The following GBP4 variants were observed in gnomAD, a reference collection of about 807,000 sequenced individuals.
GBP4 encodes the protein guanylate-binding protein 4.
Under a neutral mutation model 62.2 loss-of-function variants are expected in GBP4, and 69 were observed. The observed-to-expected ratio is 1.11, with a 90% CI of 0.91 to 1.36. The LOEUF is 1.36. GBP4 is among the 40% of genes most tolerant of loss of function. GBP4 has a pLI of 0.00. For synonymous variants in GBP4, 278 were observed against 274.6 expected (o/e 1.01, Z -0.12); for missense variants, 697 against 759.3 (o/e 0.92, Z 0.96).
In GBP4 at chr1:89,198,874, T is replaced by C; in HGVS notation, c.-40A>G. 1.9e-6 allele frequency: 3 copies of C among 1,600,934 alleles called. No individual in the cohort carries two copies. Among genetic ancestry groups the C allele is most frequent in the South Asian group, 2.2e-5 (2 of 90,814 alleles). ...GCGCCTGGATCCTCGAGAAACGGAC[T>C]GTTCTTAGAAGCTGAAAGTCCAGCC... is the stretch of plus-strand genomic sequence containing the variant. On this transcript the variant is annotated 5_prime_UTR_variant, in exon 1 of 11. Coordinates refer to ENST00000355754, the MANE Select transcript of GBP4 (RefSeq NM_052941.5).
At chr1:89,185,548 C>T (rs556911105) in intron 10 of GBP4, 79 bp from the exon 11 acceptor site, 6 of 745,082 alleles carry the variant, frequency 8.1e-6, no homozygotes, top group East Asian at 4.9e-5. Flanking sequence ...ACTAATTCAA[C>T]GTTTAAGCAT....
chr1:89,194,222 G>A (rs1174595286), intron 3 of GBP4, among the ~76,000 whole-genome samples: 1 of 152,186 alleles, frequency 6.6e-6, no homozygotes, highest in Non-Finnish European at 1.5e-5. Context: ...ATGCATGTTG[G>A]TGAAGTGGAA....
chr1:89,190,263 A>G lies in GBP4; in HGVS notation c.972T>C (p.Pro324=), dbSNP rs1648145929. 6.2e-7 allele frequency: 1 copy of G among 1,614,050 alleles called. No individual in the cohort carries two copies. Among genetic ancestry groups the G allele is most frequent in the African/African-American group, 1.3e-5 (1 of 74,922 alleles). Residue 324 remains proline, a synonymous_variant, in exon 7 of 11, where the codon CCT becomes CCC. Transcript: ENST00000355754. ...GTGCTGTCACTGCATTCTCCAGACA[A>G]GGTACTGCTCCACTGTTGATGGCAT... ...YVDAINSGAV[P]CLENAVTALA...
chr1:89,190,664 G>A lies in GBP4; in HGVS notation c.917-346C>T, dbSNP rs570308225. ...AGGGAAAGTAAGTTATATAATTTGT[G>A]AGTCCTACTTCCAAATAAAAATGCA... is the stretch of plus-strand genomic sequence containing the variant. On this transcript the variant is annotated intron_variant, in intron 6 of 10. Coordinates refer to ENST00000355754, the MANE Select transcript of GBP4 (RefSeq NM_052941.5). Among the ~76,000 whole-genome samples the A allele has an allele frequency of 5.5e-4, 83 of 151,960 alleles. 2 individuals are homozygous for A. The highest frequency in any genetic ancestry group is 1.9e-4 in the Non-Finnish European group (13 of 67,962).
At position 89,195,417 on chromosome 1, in the gene GBP4, A is replaced by AG; in HGVS notation, c.242dup (p.Leu82SerfsTer8). On this transcript the variant is annotated frameshift_variant, in exon 3 of 11. Coordinates refer to ENST00000355754, the MANE Select transcript of GBP4 (RefSeq NM_052941.5). LOFTEE classifies it high-confidence loss of function. ...TTTCAGACTGCACCGTGGAGCCCAG[A>AG]GGGAAGCCTGCAGGGAAGAGGAAAA... The AG allele has an allele frequency of 6.2e-7, 1 of 1,613,828 alleles. No homozygotes were observed. Among genetic ancestry groups the AG allele is most frequent in the Non-Finnish European group, 8.5e-7 (1 of 1,179,788 alleles).
Position 89,185,347 on chromosome 1 carries a change from G to T in GBP4, c.1830C>A (p.Ile610=). 6.2e-7 allele frequency: 1 copy of T among 1,612,500 alleles called. No individual in the cohort carries two copies. Among genetic ancestry groups the T allele is most frequent in the Non-Finnish European group, 8.5e-7 (1 of 1,178,552 alleles). Residue 610 remains isoleucine, a synonymous_variant, in exon 11 of 11, where the codon ATC becomes ATA. Transcript: ENST00000355754. ...TKNEQLRLLK[I]LDMASNIMIV... ...TCATTATGTTGCTAGCCATGTCAAG[G>T]ATCTTTAAGAGCCTTAACTGTTCAT... is the stretch of plus-strand genomic sequence containing the variant.
chr1:89,198,614 G>T, intron 1 of GBP4, 181 bp downstream of exon 1: 1 of 627,022 alleles, frequency 1.6e-6, no homozygotes, highest in Non-Finnish European at 2.9e-6. Context: ...TGGGCCACAC[G>T]GAGCAAAGCA....
Position 89,187,057 on chromosome 1 carries a change from C to T in GBP4, c.1456G>A (p.Glu486Lys). ...QNFLQSQVVV[E>K]ESILQSDKAL... is the part of the protein sequence containing the mutation. Reference sequence around the variant, plus strand: ...TTGTCTGACTGCAGGATGGATTCCTCTACAACCACCTGTGACTGCAGGAAG... The same window carrying T: ...TTGTCTGACTGCAGGATGGATTCCTTTACAACCACCTGTGACTGCAGGAAG... Residue 486 changes from glutamate (E) to lysine (K), a missense_variant, in exon 9 of 11, where the codon GAG becomes AAG. Physicochemically the swap from Glu to Lys is moderately conservative, Grantham distance 56. Coordinates refer to ENST00000355754, the MANE Select transcript of GBP4 (RefSeq NM_052941.5). 1 of 1,614,160 alleles carries T rather than the reference C, an allele frequency of 6.2e-7. No individual in the cohort carries two copies.
At chr1:89,189,948 G>A (rs1648135447) in intron 7 of GBP4, 90 bp downstream of exon 7, 2 of 1,247,580 alleles carry the variant, frequency 1.6e-6, no homozygotes, top group East Asian at 2.3e-5. Flanking sequence ...TTTCCACAGT[G>A]GTAAGGAGAT....
rs888597045 is a variant in GBP4 at position 89,181,737 on chromosome 1, T to G, written c.*3517A>C. The G allele has an allele frequency of 6.6e-6, 1 of 152,202 alleles. No individual in the cohort carries two copies. Among genetic ancestry groups the G allele is most frequent in the African/African-American group, 2.4e-5 (1 of 41,450 alleles). The allele number at this position is 152,202 out of a possible 1,614,324, so 9.4% of individuals were successfully genotyped here. A position where few individuals can be genotyped will look rare whatever the true frequency, so the allele number is the denominator to read the frequency against. On this transcript the variant is annotated 3_prime_UTR_variant, in exon 11 of 11. Coordinates refer to ENST00000355754, the MANE Select transcript of GBP4 (RefSeq NM_052941.5). The stretch of plus-strand genomic sequence containing the variant: ...ACTCTGTGCCAGCTCACTGTCCTGT[T>G]CTTCCTATGACAGAGTTGAAACAAG...
chr1:89,195,247 A>G (rs751944998), intron 3 of GBP4, 50 bp downstream of exon 3: 1 of 1,596,548 alleles, frequency 6.3e-7, no homozygotes, highest in South Asian at 1.1e-5. Flanking sequence ...GAGCTGAAAA[A>G]ATTAAAAGAT....
rs1208811197 is a variant in GBP4, at chr1:89,182,043, G to A, written c.*3211C>T. On this transcript the variant is annotated 3_prime_UTR_variant, in exon 11 of 11. Transcript: ENST00000355754. ...GAAAAACATTCCATGCTCATGAATA[G>A]GAGCACAGCTTTGTAAATAAAGGAC... 1 of 152,196 alleles carries A rather than the reference G, an allele frequency of 6.6e-6. No individual in the cohort carries two copies. The highest frequency in any genetic ancestry group is 6.5e-5 in the Admixed American group (1 of 15,278). 9.4% of individuals were successfully genotyped at this position (152,196 alleles called of 1,614,324 possible). A position where few individuals can be genotyped will look rare whatever the true frequency, so the allele number is the denominator to read the frequency against.
chr1:89,197,967 G>C (rs1252181551), intron 1 of GBP4, among the ~76,000 whole-genome samples: 1 of 151,764 alleles, frequency 6.6e-6, no homozygotes, highest in Non-Finnish European at 1.5e-5. Context: ...AAATTCTCTC[G>C]GCCCGAAGAA....
At chr1:89,186,901 T>C in intron 9 of GBP4, 99 bp downstream of exon 9, 23 of 1,093,770 alleles carry the variant, frequency 2.1e-5, no homozygotes, top group Non-Finnish European at 2.7e-5. Context: ...TTTGTGACTT[T>C]TGAAGCTCCT....
chr1:89,195,168 G>A, intron 3 of GBP4, 129 bp downstream of exon 3: 1 of 976,442 alleles, frequency 1.0e-6, no homozygotes, highest in Non-Finnish European at 1.5e-6. Flanking sequence ...GAAGTCTGAG[G>A]AAACAGAATT....
At chr1:89,188,534 C>T (rs1202647254) in intron 8 of GBP4, 48 bp downstream of exon 8, 1 of 1,477,922 alleles carries the variant, frequency 6.8e-7, no homozygotes, top group Admixed American at 1.7e-5. Flanking sequence ...GCAACAAAAA[C>T]CCTCTGACTA....
intron 5 of GBP4, 116 bp from the exon 6 acceptor site, chr1:89,191,622 T>G: frequency 9.4e-7 from 1 of 1,059,714 alleles, no homozygotes; most frequent in South Asian, 1.6e-5. Flanking sequence ...AAATCTTGTT[T>G]TATGCAATCA....
intron 7 of GBP4, 124 bp from the exon 8 acceptor site, chr1:89,188,918 A>G (rs1648110325): frequency 5.2e-6 from 5 of 957,234 alleles, no homozygotes; most frequent in African/African-American, 4.9e-5. Context: ...GTAGACCAAG[A>G]GTCACAAGAA....
At chr1:89,197,335 T>C (rs1648375574) in intron 1 of GBP4, 31 bp from the exon 2 acceptor site, 4 of 1,593,168 alleles carry the variant, frequency 2.5e-6, no homozygotes, top group Non-Finnish European at 3.4e-6. Flanking sequence ...CTCAGTAGAA[T>C]ACAAGATCTT....
Sources: allele counts gnomAD v4.1 joint callset (sites outside exome capture counted in the v4.1 genomes callset), GRCh38; gene constraint gnomAD v4.1.1; transcripts MANE v1.5; gene names NCBI Gene and HGNC (gene_info 2026-07-23, HGNC 2026-07-21).